LURAP1L: variants seen among roughly 807,000 people sequenced by gnomAD.
LURAP1L encodes leucine rich adaptor protein 1-like.
Under a neutral mutation model 13.8 loss-of-function variants are expected in LURAP1L, and 12 were observed. The observed-to-expected ratio is 0.87, with a 90% CI of 0.56 to 1.41. LURAP1L has a LOEUF of 1.41. Among genes scored for constraint, LURAP1L ranks in the 40% most tolerant of loss-of-function variants. The pLI, the probability that LURAP1L is intolerant of heterozygous loss-of-function variation, is 0.00. For synonymous variants in LURAP1L, 139 were observed against 119.2 expected, an observed-to-expected ratio of 1.17 and a Z score of -1.08; for missense variants, 375 against 292.9, an observed-to-expected ratio of 1.28 and a Z score of -2.04.
At chr9:12,799,798 T>C (rs887639890) in intron 1 of LURAP1L, among the ~76,000 whole-genome samples, 1 of 140,166 alleles carries the variant, frequency 7.1e-6, no homozygotes, top group African/African-American at 2.7e-5. Context: ...GGCGTGAACC[T>C]GGGAGGCGGA....
intron 1 of LURAP1L, among the ~76,000 whole-genome samples, chr9:12,787,342 GTA>G (rs1819371376): frequency 6.6e-6 from 1 of 152,008 alleles, no homozygotes; most frequent in African/African-American, 2.4e-5. Flanking sequence ...ATATATATAT[GTA>G]TATGTATATA....
chr9:12,793,359 C>T lies in LURAP1L; in HGVS notation c.312+17332C>T, dbSNP rs369988896. 1.5e-4 allele frequency among the ~76,000 whole-genome samples: 23 copies of T among 152,112 alleles called. No individual in the cohort carries two copies. In the East Asian group the frequency reaches 3.7e-3, roughly 24 times the overall value. The stretch of plus-strand genomic sequence containing the variant: ...TCTGTTTTGATATGATTTAGGTTAT[C>T]ACTTAATGAAGGTGATACTTATCAG... On this transcript the variant is annotated intron_variant, in intron 1 of 1. Transcript: ENST00000319264.
chr9:12,783,413 G>A (rs1426993652), intron 1 of LURAP1L, among the ~76,000 whole-genome samples: 1 of 152,074 alleles, frequency 6.6e-6, no homozygotes, highest in Non-Finnish European at 1.5e-5. Context: ...TTATCATAAA[G>A]AGATGCCAAA....
rs1819154403 is a variant in LURAP1L at position 12,775,451 on chromosome 9, A to AAG, written c.-257_-256dup. The AAG allele has an allele frequency of 2.4e-6, 1 of 422,244 alleles. No homozygotes were observed. Among genetic ancestry groups the AAG allele is most frequent in the Non-Finnish European group, 4.1e-6 (1 of 245,450 alleles). 26.2% of individuals were successfully genotyped at this position (422,244 alleles called of 1,614,324 possible). On this transcript the variant is annotated 5_prime_UTR_variant, in exon 1 of 2. Transcript: ENST00000319264. ...TCAACTTTGCAGTGAGGTGGCCAAA[A>AAG]AGAGAGAGAATGAGGAGATCTTGAT...
At chr9:12,797,960 T>C (rs551895140) in intron 1 of LURAP1L, among the ~76,000 whole-genome samples, 1 of 152,290 alleles carries the variant, frequency 6.6e-6, no homozygotes, top group Admixed American at 6.5e-5. Context: ...AAATAGATAA[T>C]GAAATTTTCC....
intron 1 of LURAP1L, among the ~76,000 whole-genome samples, chr9:12,805,997 C>T (rs1644313367): frequency 6.6e-6 from 1 of 152,176 alleles, no homozygotes; most frequent in African/African-American, 2.4e-5. Flanking sequence ...ACAAATCTGA[C>T]AGTCCGAAAG....
intron 1 of LURAP1L, among the ~76,000 whole-genome samples, chr9:12,787,309 A>T (rs1819370358): frequency 6.6e-6 from 1 of 152,190 alleles, no homozygotes; most frequent in African/African-American, 2.4e-5. Context: ...TGAGAAGTTC[A>T]TGACGCAGCC....
chr9:12,816,274 T>C (rs1819804065), intron 1 of LURAP1L, among the ~76,000 whole-genome samples: 1 of 152,178 alleles, frequency 6.6e-6, no homozygotes, highest in African/African-American at 2.4e-5. Flanking sequence ...TTGAATTCAG[T>C]CTTCTTATTG....
intron 1 of LURAP1L, among the ~76,000 whole-genome samples, chr9:12,818,914 CA>C (rs1819838035): frequency 6.6e-6 from 1 of 152,176 alleles, no homozygotes. Context: ...AATGATTTTG[CA>C]AAAGTTTGAC....
chr9:12,816,390 A>C (rs761311735), intron 1 of LURAP1L, among the ~76,000 whole-genome samples: 33 of 152,144 alleles, frequency 2.2e-4, no homozygotes, highest in South Asian at 2.1e-4. Flanking sequence ...ATGTATAAGG[A>C]AACTGAGGTC....
At position 12,821,532 on chromosome 9, in the gene LURAP1L, G is replaced by A. The variant is rs772155348; in HGVS notation, c.459G>A (p.Leu153=). The change falls in exon 2 of 2, where the codon TTG becomes TTA. Residue 153 remains leucine, a synonymous_variant. Transcript: ENST00000319264. Reference sequence around the variant, plus strand: ...TCAGTGGCAGCCTGTGCAGTTTGTTGGAGAGTCAGAGCACCTCCTTACGTG... The same window carrying A: ...TCAGTGGCAGCCTGTGCAGTTTGTTAGAGAGTCAGAGCACCTCCTTACGTG... ...SSLSGSLCSL[L]ESQSTSLRGS... 3.3e-5 allele frequency: 54 copies of A among 1,614,044 alleles called. No homozygotes were observed. Among genetic ancestry groups the A allele is most frequent in the Non-Finnish European group, 4.3e-5 (51 of 1,180,048 alleles).
chr9:12,786,581 T>TATATATATATAAC (rs61134838), intron 1 of LURAP1L, among the ~76,000 whole-genome samples: 2 of 121,438 alleles, frequency 1.6e-5, no homozygotes, highest in Non-Finnish European at 3.6e-5. Context: ...TATATATATA[T>TATATATATATAAC]AAACCCTTGT....
Position 12,775,436 on chromosome 9 carries a change from A to T in LURAP1L, c.-280A>T. ...GCAATATCAGTGAACTCAACTTTGC[A>T]GTGAGGTGGCCAAAAAGAGAGAGAA... On this transcript the variant is annotated 5_prime_UTR_variant, in exon 1 of 2. Coordinates refer to ENST00000319264, the MANE Select transcript of LURAP1L (RefSeq NM_203403.2). 1 of 391,626 alleles carries T rather than the reference A, an allele frequency of 2.6e-6. No individual in the cohort carries two copies. Among genetic ancestry groups the T allele is most frequent in the Non-Finnish European group, 4.5e-6 (1 of 223,666 alleles). The allele number at this position is 391,626 out of a possible 1,614,324, so 24.3% of individuals were successfully genotyped here. A position where few individuals can be genotyped will look rare whatever the true frequency, so the allele number is the denominator to read the frequency against.
intron 1 of LURAP1L, among the ~76,000 whole-genome samples, chr9:12,788,187 G>GAAAGAAAGAAAGAAAGAAAGAAATAAAGA (rs374048758): frequency 8.9e-4 from 121 of 136,704 alleles, no homozygotes; most frequent in African/African-American, 2.9e-3. Flanking sequence ...AAGAAAGAAA[G>GAAAGAAAGAAAGAAAGAAAGAAATAAAGA]AAAGAAAAGA....
intron 1 of LURAP1L, chr9:12,790,740 C>T (rs1323122849): frequency 1.3e-5 from 2 of 148,678 alleles, no homozygotes; most frequent in Non-Finnish European, 3.0e-5. Context: ...AAATGAAAGG[C>T]AGTAGTTTTT....
chr9:12,820,289 G>A (rs1052842314), intron 1 of LURAP1L, among the ~76,000 whole-genome samples: 5 of 152,156 alleles, frequency 3.3e-5, no homozygotes, highest in South Asian at 2.1e-4. Context: ...CGGATCACGC[G>A]GTCAAGAGTT....
intron 1 of LURAP1L, among the ~76,000 whole-genome samples, chr9:12,803,634 T>G (rs1819617282): frequency 6.6e-6 from 1 of 152,228 alleles, no homozygotes; most frequent in Non-Finnish European, 1.5e-5. Context: ...CAGGTAAAAT[T>G]GTCTACATTA....
chr9:12,806,191 A>T (rs1819654068), intron 1 of LURAP1L, among the ~76,000 whole-genome samples: 1 of 152,166 alleles, frequency 6.6e-6, no homozygotes, highest in Middle Eastern at 3.2e-3. Flanking sequence ...TTTGTCAAAG[A>T]TTGATTTAGC....
chr9:12,789,011 G>C (rs1469036179), intron 1 of LURAP1L, among the ~76,000 whole-genome samples: 1 of 151,086 alleles, frequency 6.6e-6, no homozygotes, highest in Non-Finnish European at 1.5e-5. Flanking sequence ...AGATCACAGT[G>C]AGCCATGATT....
Sources: allele counts gnomAD v4.1 joint callset (sites outside exome capture counted in the v4.1 genomes callset), GRCh38; gene constraint gnomAD v4.1.1; transcripts MANE v1.5; gene names NCBI Gene and HGNC (gene_info 2026-07-23, HGNC 2026-07-21).